The following LOC128462377 variants were observed in gnomAD, a reference collection of about 807,000 sequenced individuals.
At chr16:89,365,610 G>C in the LOC128462377 span, among the ~76,000 whole-genome samples, 1 of 152,320 alleles carries the variant, frequency 6.6e-6, no homozygotes, top group African/African-American at 2.4e-5. Flanking sequence ...AAAGAGGTAT[G>C]TTCACTCAAG....
chr16:89,353,055 T>C, the LOC128462377 span, among the ~76,000 whole-genome samples: 143 of 152,306 alleles, frequency 9.4e-4, no homozygotes, highest in Middle Eastern at 0.01. Flanking sequence ...CAAGAGAAAG[T>C]AGGGCTGGGC....
the LOC128462377 span, among the ~76,000 whole-genome samples, chr16:89,362,636 A>T: frequency 6.6e-6 from 1 of 152,256 alleles, no homozygotes; most frequent in Non-Finnish European, 1.5e-5. Context: ...ATTTATTCAA[A>T]GACCTGTGCT....
the LOC128462377 span, among the ~76,000 whole-genome samples, chr16:89,320,859 G>A: frequency 6.6e-6 from 1 of 152,260 alleles, no homozygotes; most frequent in South Asian, 2.1e-4. Context: ...AGCCCCTGCA[G>A]CCCAGAGGGG....
chr16:89,352,005 G>A, the LOC128462377 span, among the ~76,000 whole-genome samples: 10 of 152,260 alleles, frequency 6.6e-5, no homozygotes, highest in East Asian at 1.9e-4. Flanking sequence ...CTGCCTCCCA[G>A]GTTCAAGCAA....
At chr16:89,408,101 C>T in the LOC128462377 span, among the ~76,000 whole-genome samples, 2 of 152,156 alleles carry the variant, frequency 1.3e-5, no homozygotes, top group African/African-American at 2.4e-5. Flanking sequence ...TGTGTGACCA[C>T]TGGCCAGGCA....
chr16:89,386,506 G>A, the LOC128462377 span, among the ~76,000 whole-genome samples: 2 of 152,314 alleles, frequency 1.3e-5, no homozygotes, highest in East Asian at 3.9e-4. Flanking sequence ...ACAGCATGAG[G>A]GTGTGGGGGA....
At chr16:89,342,472 G>C in the LOC128462377 span, among the ~76,000 whole-genome samples, 8 of 152,232 alleles carry the variant, frequency 5.3e-5, no homozygotes. Context: ...CAGGAACAAG[G>C]CAAAGCGTGA....
chr16:89,381,264 G>A, the LOC128462377 span, among the ~76,000 whole-genome samples: 1 of 150,884 alleles, frequency 6.6e-6, no homozygotes, highest in East Asian at 1.9e-4. Flanking sequence ...CCCGGGAGGC[G>A]GAGGTTGCAG....
the LOC128462377 span, chr16:89,370,814 A>C: frequency 6.6e-6 from 1 of 152,656 alleles, no homozygotes; most frequent in Non-Finnish European, 1.5e-5. Flanking sequence ...TGTCAGCCCC[A>C]GACGACCCCC....
chr16:89,366,130 A>C, the LOC128462377 span, among the ~76,000 whole-genome samples: 2 of 91,718 alleles, frequency 2.2e-5, no homozygotes. Context: ...ACTCCATCTC[A>C]AAAAAAAAAA....
the LOC128462377 span, among the ~76,000 whole-genome samples, chr16:89,347,491 G>C: frequency 2.0e-5 from 3 of 151,888 alleles, no homozygotes; most frequent in Admixed American, 6.6e-5. Flanking sequence ...GGCGCCGGTA[G>C]TCCCAGCTAC....
At chr16:89,317,226 A>T in the LOC128462377 span, 1 of 674,226 alleles carries the variant, frequency 1.5e-6, no homozygotes, top group Non-Finnish European at 2.7e-6. Context: ...CCAGGAAGGG[A>T]CTTCTCAGGA....
chr16:89,346,323 G>A, the LOC128462377 span, among the ~76,000 whole-genome samples: 2 of 151,474 alleles, frequency 1.3e-5, no homozygotes, highest in Admixed American at 1.3e-4. Flanking sequence ...ATATTAAAGT[G>A]CCTTTCAGTA....
chr16:89,398,907 C>A, the LOC128462377 span, among the ~76,000 whole-genome samples: 2 of 152,138 alleles, frequency 1.3e-5, no homozygotes. Flanking sequence ...TGCACAGCCA[C>A]CCAGGATCCT....
the LOC128462377 span, among the ~76,000 whole-genome samples, chr16:89,356,345 T>C: frequency 1.2e-4 from 14 of 116,230 alleles, no homozygotes; most frequent in African/African-American, 4.6e-4. Context: ...TCCGCTGAGG[T>C]GAGAAGGATG....
At chr16:89,365,793 G>A in the LOC128462377 span, among the ~76,000 whole-genome samples, 2 of 152,174 alleles carry the variant, frequency 1.3e-5, no homozygotes, top group South Asian at 4.1e-4. Context: ...TTGTTGAACA[G>A]ACTATTTCAT....
chr16:89,355,100 T>G, the LOC128462377 span, among the ~76,000 whole-genome samples: 1 of 152,178 alleles, frequency 6.6e-6, no homozygotes, highest in Non-Finnish European at 1.5e-5. Flanking sequence ...GTTGCTGACA[T>G]TTCCTGGGCA....
the LOC128462377 span, chr16:89,395,801 G>C: frequency 6.6e-6 from 1 of 152,190 alleles, no homozygotes; most frequent in Admixed American, 6.5e-5. Flanking sequence ...TGCCTTCTCA[G>C]CTGGGTGACA....
chr16:89,386,239 C>T, the LOC128462377 span, among the ~76,000 whole-genome samples: 3 of 151,818 alleles, frequency 2.0e-5, no homozygotes, highest in Non-Finnish European at 2.9e-5. Flanking sequence ...AACATAATGA[C>T]CAAATAAAAA....
Sources: allele counts gnomAD v4.1 joint callset (sites outside exome capture counted in the v4.1 genomes callset), GRCh38; gene constraint gnomAD v4.1.1; transcripts MANE v1.5.